Variants in PCCA observed in about 807,000 individuals in gnomAD.
PCCA encodes the protein propionyl-CoA carboxylase subunit alpha.
PCCA carries 74 observed loss-of-function variants against 101.3 expected under a neutral mutation model. The ratio of observed to expected loss-of-function variants is 0.73; its 90% confidence interval spans 0.61 to 0.89. PCCA has a LOEUF of 0.89. Ranked by LOEUF, PCCA falls within the 40% of genes least tolerant of loss-of-function variation. The probability of loss-of-function intolerance (pLI) is 0.00; values close to 1 mark genes in which losing one functional copy is unlikely to be tolerated. For synonymous variants in PCCA, 294 were observed against 313.6 expected, an observed-to-expected ratio of 0.94 and a Z score of 0.66; for missense variants, 891 against 907.0, an observed-to-expected ratio of 0.98 and a Z score of 0.23.
At chr13:100,515,326 A>G in intron 21 of PCCA, 101 bp from the exon 22 acceptor site, 1 of 1,015,644 alleles carries the variant, frequency 9.8e-7, no homozygotes, top group Non-Finnish European at 1.5e-6. Flanking sequence ...CTCTTACTGT[A>G]ATTTGAATTT....
chr13:100,210,276 C>T (rs2059127726), intron 7 of PCCA, among the ~76,000 whole-genome samples: 1 of 152,184 alleles, frequency 6.6e-6, no homozygotes, highest in Non-Finnish European at 1.5e-5. Flanking sequence ...TTGTGCCTGG[C>T]CAACTTGGAT....
At chr13:100,188,694 T>G (rs2057509724) in intron 6 of PCCA, among the ~76,000 whole-genome samples, 1 of 152,196 alleles carries the variant, frequency 6.6e-6, no homozygotes, top group Non-Finnish European at 1.5e-5. Context: ...AAGTGTTCCC[T>G]TTTCACCACA....
At chr13:100,402,659 G>C (rs1283070395) in intron 19 of PCCA, among the ~76,000 whole-genome samples, 18 of 152,096 alleles carry the variant, frequency 1.2e-4, no homozygotes, top group Admixed American at 1.1e-3. Context: ...GATATAAAGT[G>C]TTACAGAGAT....
intron 4 of PCCA, among the ~76,000 whole-genome samples, chr13:100,146,089 G>A (rs928852779): frequency 1.1e-4 from 16 of 149,866 alleles, no homozygotes; most frequent in African/African-American, 3.4e-4. Flanking sequence ...ATAGATATGC[G>A]CCACCACACT....
intron 18 of PCCA, among the ~76,000 whole-genome samples, chr13:100,354,797 G>C (rs2073788965): frequency 6.6e-6 from 1 of 152,106 alleles, no homozygotes; most frequent in African/African-American, 2.4e-5. Context: ...TTTCTCAAGA[G>C]AAAGTAGGAA....
intron 8 of PCCA, among the ~76,000 whole-genome samples, chr13:100,255,774 A>G (rs1046152494): frequency 2.6e-5 from 4 of 152,196 alleles, no homozygotes; most frequent in African/African-American, 9.6e-5. Flanking sequence ...ATGCAGGATT[A>G]AAACTCGTGC....
chr13:100,414,644 G>A (rs2078243518), intron 19 of PCCA, among the ~76,000 whole-genome samples: 1 of 152,166 alleles, frequency 6.6e-6, no homozygotes, highest in Admixed American at 6.5e-5. Flanking sequence ...AAGTATGTTT[G>A]TGCTTCACAT....
intron 19 of PCCA, among the ~76,000 whole-genome samples, chr13:100,417,787 AC>A (rs1246527803): frequency 6.6e-6 from 1 of 151,946 alleles, no homozygotes; most frequent in African/African-American, 2.4e-5. Flanking sequence ...GGAATGTTCC[AC>A]TAATTACTTA....
chr13:100,235,545 C>T (rs558809952), intron 7 of PCCA, among the ~76,000 whole-genome samples: 2 of 152,276 alleles, frequency 1.3e-5, no homozygotes, highest in South Asian at 2.1e-4. Context: ...TGATTGTAAA[C>T]ATCTAAATTC....
chr13:100,257,007 G>C (rs574051492), intron 8 of PCCA, among the ~76,000 whole-genome samples: 2 of 152,104 alleles, frequency 1.3e-5, no homozygotes, highest in East Asian at 3.9e-4. Flanking sequence ...TTAATGTACG[G>C]AACAGTGGAA....
Position 100,370,074 on chromosome 13 carries a change from C to CTTTTTTTTT in PCCA, c.1746+1517_1746+1525dup, listed in dbSNP as rs386380451. Among the ~76,000 whole-genome samples the CTTTTTTTTT allele has an allele frequency of 2.0e-3, 150 of 74,672 alleles. 13 individuals are homozygous for CTTTTTTTTT. Among genetic ancestry groups the CTTTTTTTTT allele is most frequent in the African/African-American group, 6.6e-3 (118 of 17,936 alleles). The allele number at this position is 74,672 out of a possible 152,430, so 49.0% of individuals were successfully genotyped here. ...AGATTACTTTTCAGAGCTGTTACTT[C>CTTTTTTTTT]TTTTTTTTTTTTTTTTTTTTTTTTT... On this transcript the variant is annotated intron_variant, in intron 19 of 23. Transcript: ENST00000376285.
intron 21 of PCCA, among the ~76,000 whole-genome samples, chr13:100,507,564 G>A (rs1317432179): frequency 6.6e-6 from 1 of 152,180 alleles, no homozygotes; most frequent in Non-Finnish European, 1.5e-5. Context: ...TGATACAAGT[G>A]ATTCAGATTA....
chr13:100,133,564 T>C (rs2050778424), intron 4 of PCCA, among the ~76,000 whole-genome samples: 1 of 152,248 alleles, frequency 6.6e-6, no homozygotes, highest in Non-Finnish European at 1.5e-5. Flanking sequence ...CTCTGTAAGA[T>C]TTGCAGTCGG....
intron 4 of PCCA, among the ~76,000 whole-genome samples, chr13:100,139,696 A>G (rs2051627985): frequency 6.6e-6 from 1 of 152,054 alleles, no homozygotes; most frequent in African/African-American, 2.4e-5. Context: ...TCTTTGTGAG[A>G]TAATTTCAAC....
intron 12 of PCCA, among the ~76,000 whole-genome samples, chr13:100,299,353 A>G (rs1851295561): frequency 6.6e-6 from 1 of 152,228 alleles, no homozygotes; most frequent in African/African-American, 2.4e-5. Context: ...TTGGATCTTG[A>G]AACCTTCATA....
intron 20 of PCCA, among the ~76,000 whole-genome samples, chr13:100,441,999 T>TC (rs199761080): frequency 2.0e-5 from 3 of 150,068 alleles, no homozygotes; most frequent in Non-Finnish European, 1.5e-5. Context: ...CTTTTTTTTT[T>TC]TTTTTTATTT....
intron 12 of PCCA, among the ~76,000 whole-genome samples, chr13:100,290,034 G>T (rs1300830934): frequency 2.0e-5 from 3 of 152,090 alleles, no homozygotes; most frequent in Non-Finnish European, 4.4e-5. Context: ...ATACTGTTTT[G>T]ATTGAATACA....
chr13:100,520,590 G>A (rs563998631), intron 22 of PCCA, among the ~76,000 whole-genome samples: 297 of 138,412 alleles, frequency 2.1e-3, no homozygotes, highest in African/African-American at 7.5e-3. Flanking sequence ...AGCGGAGATC[G>A]CGCCACAGCA....
At chr13:100,157,753 C>G (rs1338235398) in intron 6 of PCCA, among the ~76,000 whole-genome samples, 1 of 152,000 alleles carries the variant, frequency 6.6e-6, no homozygotes, top group African/African-American at 2.4e-5. Flanking sequence ...CTAAATGTCC[C>G]CTTCCAGCTA....
Sources: allele counts gnomAD v4.1 joint callset (sites outside exome capture counted in the v4.1 genomes callset), GRCh38; gene constraint gnomAD v4.1.1; transcripts MANE v1.5; gene names NCBI Gene and HGNC (gene_info 2026-07-23, HGNC 2026-07-21).